Variants in PLXNA2 observed in about 807,000 individuals in gnomAD.
The protein encoded by PLXNA2 is plexin A2, also known as plexin-A2.
Under a neutral mutation model 193.5 loss-of-function variants are expected in PLXNA2, and 91 were observed. The ratio of observed to expected loss-of-function variants is 0.47; its 90% CI spans 0.40 to 0.56. PLXNA2 has a LOEUF of 0.56. PLXNA2 is among the 20% of genes least tolerant of loss of function. The probability of loss-of-function intolerance (pLI) is 0.00; values close to 1 mark genes in which losing one functional copy is unlikely to be tolerated. For synonymous variants in PLXNA2, 997 were observed against 1,027.3 expected, an observed-to-expected ratio of 0.97 and a Z score of 0.56; for missense variants, 1,995 against 2,503.2, an observed-to-expected ratio of 0.80 and a Z score of 4.33.
rs150558490 is a variant in PLXNA2, at chr1:208,096,748, C to T, written c.1867G>A (p.Val623Ile). The T allele has an allele frequency of 6.8e-3, 10,897 of 1,614,150 alleles. 58 individuals carry two copies. Among genetic ancestry groups the T allele is most frequent in the Admixed American group, 8.8e-3 (527 of 60,022 alleles). ...TTCTTACCTTGATCCAGCGGGATGA[C>T]AGGGACATCCTTGGGCCCAGGTGAG... ...CISPGPKDVP[V>I]IPLDQDWFGL... is the part of the protein sequence containing the mutation. The change falls in exon 7 of 32, where the codon GTC (valine) becomes ATC (isoleucine). Residue 623 changes from valine to isoleucine, a missense_variant. Coordinates refer to ENST00000367033, the MANE Select transcript of PLXNA2 (RefSeq NM_025179.4).
intron 12 of PLXNA2, among the ~76,000 whole-genome samples, chr1:208,061,159 T>C (rs766402195): frequency 6.6e-6 from 1 of 152,190 alleles, no homozygotes; most frequent in South Asian, 2.1e-4. Flanking sequence ...AGTTGCCTGA[T>C]TGCGATCAGT....
intron 5 of PLXNA2, among the ~76,000 whole-genome samples, chr1:208,099,889 A>G (rs1215686304): frequency 2.6e-5 from 4 of 151,862 alleles, no homozygotes; most frequent in African/African-American, 9.7e-5. Context: ...TCTTTACAGC[A>G]CTGTGGGATG....
chr1:208,063,868 T>A (rs1268566593), intron 12 of PLXNA2, among the ~76,000 whole-genome samples: 2 of 152,140 alleles, frequency 1.3e-5, no homozygotes, highest in Non-Finnish European at 2.9e-5. Flanking sequence ...GACTTCCAAA[T>A]CCATAAGGTT....
At chr1:208,222,708 C>T (rs891287979) in intron 1 of PLXNA2, among the ~76,000 whole-genome samples, 2 of 152,304 alleles carry the variant, frequency 1.3e-5, no homozygotes, top group South Asian at 4.1e-4. Context: ...CTCCTATTGC[C>T]CTTTTCAGGA....
At chr1:208,128,914 G>C (rs974205390) in intron 4 of PLXNA2, among the ~76,000 whole-genome samples, 2 of 152,042 alleles carry the variant, frequency 1.3e-5, no homozygotes, top group African/African-American at 4.8e-5. Flanking sequence ...TGTTAGCCAG[G>C]ATGGTCTCCT....
chr1:208,237,616 C>T (rs957583114), intron 1 of PLXNA2, among the ~76,000 whole-genome samples: 5 of 152,118 alleles, frequency 3.3e-5, no homozygotes, highest in East Asian at 3.9e-4. Flanking sequence ...CTGGAGACTG[C>T]GAGAGCATTA....
chr1:208,074,588 GAAGATGGGGT>G (rs968214589), intron 12 of PLXNA2, among the ~76,000 whole-genome samples: 9 of 152,204 alleles, frequency 5.9e-5, no homozygotes, highest in African/African-American at 2.2e-4. Flanking sequence ...TTGCCATGGA[GAAGATGGGGT>G]AAGGAGGGGT....
In PLXNA2 at chr1:208,028,793, G is replaced by A. The variant is rs1472936004; in HGVS notation, c.5438+37C>T. On this transcript the variant is annotated intron_variant, in intron 30 of 31. Transcript: ENST00000367033. This position sits in a 1 kb window ranked among gnomAD's most constrained non-coding sequence, Gnocchi z 4.2. Reference sequence around the variant, plus strand: ...CTATAGAGCGGGGAATGGGCAGGGAGACAAGGGCATGGGCCTGTCCTGAGG... The same window carrying A: ...CTATAGAGCGGGGAATGGGCAGGGAAACAAGGGCATGGGCCTGTCCTGAGG... 6.3e-7 allele frequency: 1 copy of A among 1,578,960 alleles called. No homozygotes were observed. The highest frequency in any genetic ancestry group is 8.7e-7 in the Non-Finnish European group (1 of 1,153,102).
At chr1:208,077,808 A>G (rs1028497773) in intron 12 of PLXNA2, among the ~76,000 whole-genome samples, 1 of 152,160 alleles carries the variant, frequency 6.6e-6, no homozygotes, top group African/African-American at 2.4e-5. Flanking sequence ...ATCAAGAATA[A>G]AATGGGATTG....
chr1:208,224,471 C>G lies in PLXNA2; in HGVS notation c.-80-6469G>C, dbSNP rs550360171. Among the ~76,000 whole-genome samples the G allele has an allele frequency of 1.5e-4, 23 of 151,398 alleles. No homozygotes were observed. In the East Asian group the frequency reaches 3.9e-3, roughly 26 times the overall value. On this transcript the variant is annotated intron_variant, in intron 1 of 31. Transcript: ENST00000367033. ...TCTTATTTCAGCTGTCACTCATGCACAGACACCGAAGATTGTTATTAGTAT... is the reference window on the plus strand; with the variant it reads ...TCTTATTTCAGCTGTCACTCATGCAGAGACACCGAAGATTGTTATTAGTAT...
At chr1:208,189,992 C>A (rs1175265370) in intron 3 of PLXNA2, among the ~76,000 whole-genome samples, 1 of 152,146 alleles carries the variant, frequency 6.6e-6, no homozygotes, top group Non-Finnish European at 1.5e-5. Context: ...AGATGAGAAA[C>A]ATTTTGGGGT....
chr1:208,137,380 T>G (rs1273101482), intron 4 of PLXNA2, among the ~76,000 whole-genome samples: 1 of 152,238 alleles, frequency 6.6e-6, no homozygotes, highest in African/African-American at 2.4e-5. Flanking sequence ...TTTATACTCC[T>G]TTTCTAGGAG....
chr1:208,106,202 C>T (rs955935967), intron 4 of PLXNA2, among the ~76,000 whole-genome samples: 11 of 151,992 alleles, frequency 7.2e-5, no homozygotes, highest in African/African-American at 2.4e-4. Flanking sequence ...CACACACAAA[C>T]CAGAGGAAAG....
intron 3 of PLXNA2, among the ~76,000 whole-genome samples, chr1:208,203,855 ACAGT>A (rs1670630961): frequency 6.6e-6 from 1 of 152,238 alleles, no homozygotes; most frequent in African/African-American, 2.4e-5. Flanking sequence ...TATCTTGTAA[ACAGT>A]CAGTGTTATC....
rs1011401712 is a variant in PLXNA2 at position 208,095,964 on chromosome 1, C to G, written c.1982+65G>C. 3.2e-6 allele frequency: 4 copies of G among 1,240,516 alleles called. No individual in the cohort carries two copies. The African/African-American group carries it at 5.9e-5, about 18-fold the overall frequency. 76.8% of individuals were successfully genotyped at this position (1,240,516 alleles called of 1,614,324 possible). A position where few individuals can be genotyped will look rare whatever the true frequency, so the allele number is the denominator to read the frequency against. ...TTCCTGCCCTAAAGGAGCTTAGCATCGAGGGGAAGAAAGCCCATACCCACA... is the reference window on the plus strand; with the variant it reads ...TTCCTGCCCTAAAGGAGCTTAGCATGGAGGGGAAGAAAGCCCATACCCACA... On this transcript the variant is annotated intron_variant, in intron 8 of 31. Coordinates refer to ENST00000367033, the MANE Select transcript of PLXNA2 (RefSeq NM_025179.4).
intron 3 of PLXNA2, among the ~76,000 whole-genome samples, chr1:208,196,709 G>C (rs533348412): frequency 6.6e-6 from 1 of 152,312 alleles, no homozygotes; most frequent in Non-Finnish European, 1.5e-5. Context: ...CACCCTTGTA[G>C]CGGGTGGGGA....
chr1:208,233,662 G>T (rs572391556), intron 1 of PLXNA2, among the ~76,000 whole-genome samples: 70 of 152,364 alleles, frequency 4.6e-4, no homozygotes, highest in African/African-American at 1.6e-3. Context: ...TCGCAGCCTT[G>T]TGAGACTGGA....
chr1:208,026,281 C>T lies in PLXNA2; in HGVS notation c.*962G>A, dbSNP rs1323912205. On this transcript the variant is annotated 3_prime_UTR_variant, in exon 32 of 32. Coordinates refer to ENST00000367033, the MANE Select transcript of PLXNA2 (RefSeq NM_025179.4). ...GAGGCAGGGCTGCCAGGTGTCTGGT[C>T]TGGGAGAGGCCCACCTCACCCCACT... The T allele has an allele frequency of 6.6e-6, 1 of 152,202 alleles. No homozygotes were observed. The highest frequency in any genetic ancestry group is 1.9e-4 in the East Asian group (1 of 5,200). 9.4% of individuals were successfully genotyped at this position (152,202 alleles called of 1,614,324 possible). A position where few individuals can be genotyped will look rare whatever the true frequency, so the allele number is the denominator to read the frequency against.
intron 3 of PLXNA2, among the ~76,000 whole-genome samples, chr1:208,165,455 C>G (rs1371403311): frequency 6.6e-6 from 1 of 152,200 alleles, no homozygotes; most frequent in African/African-American, 2.4e-5. Flanking sequence ...CAAAGTCACA[C>G]ATCTAGGAAG....
Sources: gnomAD v4.1 joint callset for allele counts (sites outside exome capture counted in the v4.1 genomes callset) on GRCh38, gnomAD v4.1.1 for gene constraint, Gnocchi (gnomAD v3.1) non-coding constraint, MANE v1.5 for transcripts, NCBI Gene and HGNC (gene_info 2026-07-23, HGNC 2026-07-21) for gene names.